The following BCAS3 variants were observed in gnomAD, a reference collection of about 807,000 sequenced individuals.
BCAS3 encodes the protein BCAS3 microtubule associated cell migration factor, also known as BCAS4/BCAS3 fusion.
A neutral mutation model predicts 116.1 loss-of-function variants in BCAS3; 53 were observed. That is an observed-to-expected ratio of 0.46 (90% CI 0.37 to 0.57). The LOEUF (loss-of-function observed/expected upper bound fraction) is 0.57. Among genes scored for constraint, BCAS3 ranks in the 20% least tolerant of loss-of-function variants. The pLI is 0.00. For synonymous variants in BCAS3, 391 were observed against 408.2 expected (o/e 0.96, Z 0.51); for missense variants, 917 against 1,165.4 (o/e 0.79, Z 3.10).
chr17:60,997,249 G>A (rs1484680335), intron 15 of BCAS3, among the ~76,000 whole-genome samples: 2 of 152,158 alleles, frequency 1.3e-5, no homozygotes, highest in African/African-American at 4.8e-5. Context: ...TTTCGTACAG[G>A]CCACAGACCG....
rs1261044575 is a variant in BCAS3, at chr17:60,962,559, G to A, written c.1221+15207G>A. On this transcript the variant is annotated intron_variant, in intron 14 of 23. Coordinates refer to ENST00000407086, the MANE Select transcript of BCAS3 (RefSeq NM_017679.5). The surrounding 1 kb of genome is among the most constrained non-coding windows in gnomAD (Gnocchi z 4.4). The stretch of plus-strand genomic sequence containing the variant: ...TTTTTCTTTTGTTTCTAATGGGGTT[G>A]GATTTTGCCCATTTTAAAATTGGAT... Among the ~76,000 whole-genome samples the A allele has an allele frequency of 6.6e-6, 1 of 151,900 alleles. No homozygotes were observed. Among genetic ancestry groups the A allele is most frequent in the East Asian group, 1.9e-4 (1 of 5,192 alleles).
At chr17:60,756,940 G>A (rs1487537023) in intron 6 of BCAS3, among the ~76,000 whole-genome samples, 1 of 152,026 alleles carries the variant, frequency 6.6e-6, no homozygotes, top group African/African-American at 2.4e-5. Flanking sequence ...TAATCCCAGC[G>A]GATCACGAGG....
In BCAS3 at chr17:61,228,151, G is replaced by A. The variant is rs979064664; in HGVS notation, c.2426-140176G>A. ...ACCTTCCTCAATTTTCAGCAAGTAG[G>A]ACTCCTTATTTGAAGGACAAGTACC... On this transcript the variant is annotated intron_variant, in intron 22 of 23. Transcript: ENST00000407086. This position sits in a 1 kb window ranked among gnomAD's most constrained non-coding sequence, Gnocchi z 5.0. Among the ~76,000 whole-genome samples the A allele has an allele frequency of 3.3e-5, 5 of 152,064 alleles. No homozygotes were observed. The highest frequency in any genetic ancestry group is 1.2e-4 in the African/African-American group (5 of 41,392).
intron 14 of BCAS3, among the ~76,000 whole-genome samples, chr17:60,955,295 A>G (rs182808032): frequency 6.6e-6 from 1 of 152,124 alleles, no homozygotes; most frequent in Admixed American, 6.5e-5. Flanking sequence ...AAGTCAAATC[A>G]ATAAATTTTC....
chr17:61,377,292 G>A lies in BCAS3; in HGVS notation c.2593+8798G>A, dbSNP rs1160217386. Among the ~76,000 whole-genome samples, 1 of 152,212 alleles carries A rather than the reference G, an allele frequency of 6.6e-6. No individual in the cohort carries two copies. Among genetic ancestry groups the A allele is most frequent in the Admixed American group, 6.5e-5 (1 of 15,286 alleles). ...CAGCAGGTCACAAGCATCCCTACTC[G>A]GGACAAGAGGGAGCAGCTGCGCCAG... On this transcript the variant is annotated intron_variant, in intron 23 of 23. Coordinates refer to ENST00000407086, the MANE Select transcript of BCAS3 (RefSeq NM_017679.5). This position sits in a 1 kb window ranked among gnomAD's most constrained non-coding sequence, Gnocchi z 4.6.
rs1416019002 is a variant in BCAS3, at chr17:61,285,936, A to G, written c.2426-82391A>G. On this transcript the variant is annotated intron_variant, in intron 22 of 23. Coordinates refer to ENST00000407086, the MANE Select transcript of BCAS3 (RefSeq NM_017679.5). This position sits in a 1 kb window ranked among gnomAD's most constrained non-coding sequence, Gnocchi z 5.4. ...CAAGACTTAGCTTACACACACACTC[A>G]AGTTACGTGAATACATGAATATTGC... Among the ~76,000 whole-genome samples, 1 of 152,208 alleles carries G rather than the reference A, an allele frequency of 6.6e-6. No homozygotes were observed. Among genetic ancestry groups the G allele is most frequent in the Non-Finnish European group, 1.5e-5 (1 of 68,044 alleles).
At chr17:61,255,222 C>A (rs1031930605) in intron 22 of BCAS3, among the ~76,000 whole-genome samples, 1 of 152,206 alleles carries the variant, frequency 6.6e-6, no homozygotes, top group Non-Finnish European at 1.5e-5. Flanking sequence ...GTTTTCTCTT[C>A]TCTGGTGCTT....
chr17:60,735,500 C>G (rs918129123), intron 5 of BCAS3, among the ~76,000 whole-genome samples: 2 of 152,066 alleles, frequency 1.3e-5, no homozygotes, highest in Non-Finnish European at 2.9e-5. Context: ...GTCACCCAGG[C>G]TTGAGTGCAG....
chr17:61,209,741 A>C (rs1385955339), intron 22 of BCAS3, among the ~76,000 whole-genome samples: 1 of 152,136 alleles, frequency 6.6e-6, no homozygotes, highest in Admixed American at 6.5e-5. Flanking sequence ...TTGGTTTGAA[A>C]TTAGGACCTC....
intron 5 of BCAS3, among the ~76,000 whole-genome samples, chr17:60,729,214 C>T (rs927523923): frequency 2.6e-5 from 4 of 151,008 alleles, no homozygotes; most frequent in Non-Finnish European, 5.9e-5. Flanking sequence ...TTAAATATAC[C>T]ATAATCTGTT....
intron 22 of BCAS3, among the ~76,000 whole-genome samples, chr17:61,237,777 G>A (rs969524060): frequency 3.3e-5 from 5 of 152,280 alleles, no homozygotes; most frequent in African/African-American, 9.6e-5. Context: ...TGGACTGACC[G>A]TAGACCCCCA....
intron 15 of BCAS3, chr17:61,002,478 T>G (rs1248768232): frequency 7.3e-6 from 1 of 136,660 alleles, no homozygotes; most frequent in Non-Finnish European, 1.5e-5. Flanking sequence ...ATTTTCTCAT[T>G]GTAATCAAGG....
intron 6 of BCAS3, among the ~76,000 whole-genome samples, chr17:60,798,936 G>A (rs771694027): frequency 3.3e-5 from 5 of 152,156 alleles, no homozygotes; most frequent in Non-Finnish European, 5.9e-5. Flanking sequence ...ATATAACTTC[G>A]AGCATATTTT....
At chr17:61,001,675 A>G (rs903383605) in intron 15 of BCAS3, among the ~76,000 whole-genome samples, 14 of 152,178 alleles carry the variant, frequency 9.2e-5, no homozygotes, top group African/African-American at 3.4e-4. Context: ...GTGGGGGGAT[A>G]TCTTAGTTTA....
At chr17:60,886,678 C>T (rs1359216373) in intron 9 of BCAS3, among the ~76,000 whole-genome samples, 1 of 151,978 alleles carries the variant, frequency 6.6e-6, no homozygotes, top group Non-Finnish European at 1.5e-5. Flanking sequence ...GGACCCTCAG[C>T]TGCAGGTCTG....
At chr17:61,085,038 A>G (rs2072967528) in intron 22 of BCAS3, among the ~76,000 whole-genome samples, 1 of 152,252 alleles carries the variant, frequency 6.6e-6, no homozygotes, top group African/African-American at 2.4e-5. Context: ...ACCCTGGTCT[A>G]TCTATCACAG....
chr17:60,769,514 A>C (rs1394261083), intron 6 of BCAS3, among the ~76,000 whole-genome samples: 1 of 152,192 alleles, frequency 6.6e-6, no homozygotes, highest in Non-Finnish European at 1.5e-5. Context: ...CCCCACCTCC[A>C]GCCCCAGGGG....
At chr17:60,710,790 G>C (rs1445160098) in intron 5 of BCAS3, among the ~76,000 whole-genome samples, 1 of 150,042 alleles carries the variant, frequency 6.7e-6, no homozygotes, top group Non-Finnish European at 1.5e-5. Flanking sequence ...ATGAAGTTTG[G>C]TGTTCCATTC....
intron 5 of BCAS3, among the ~76,000 whole-genome samples, chr17:60,738,449 A>G (rs150409560): frequency 1.3e-5 from 2 of 152,272 alleles, no homozygotes; most frequent in East Asian, 3.9e-4. Context: ...TCATTATGTA[A>G]TATCCCCCTT....
Sources: allele counts gnomAD v4.1 joint callset (sites outside exome capture counted in the v4.1 genomes callset), GRCh38; gene constraint gnomAD v4.1.1; non-coding constraint Gnocchi (gnomAD v3.1); transcripts MANE v1.5; gene names NCBI Gene and HGNC (gene_info 2026-07-23, HGNC 2026-07-21).